Variants in CAVIN4 observed in about 807,000 individuals in gnomAD.
CAVIN4 encodes the protein caveolae-associated protein 4.
A neutral mutation model predicts 18.6 loss-of-function variants in CAVIN4; 10 were observed. That is an observed-to-expected ratio of 0.54 (90% confidence interval 0.33 to 0.91). CAVIN4 has a LOEUF of 0.91. CAVIN4 is among the 40% of genes least tolerant of loss of function. The pLI is 0.02. For synonymous variants in CAVIN4, 173 were observed against 164.8 expected, an observed-to-expected ratio of 1.05 and a Z score of -0.38; for missense variants, 459 against 440.5, an observed-to-expected ratio of 1.04 and a Z score of -0.38.
At chr9:100,582,681 C>T (rs1354301165) in intron 1 of CAVIN4, among the ~76,000 whole-genome samples, 1 of 152,172 alleles carries the variant, frequency 6.6e-6, no homozygotes, top group Non-Finnish European at 1.5e-5. Context: ...TGGGGTTACT[C>T]CTCTCTTTGG....
In CAVIN4 at chr9:100,582,233, G is replaced by C. The variant is rs72735183; in HGVS notation, c.409-3532G>C. Among the ~76,000 whole-genome samples the C allele has an allele frequency of 9.1e-3, 1,385 of 152,196 alleles. 3 individuals are homozygous for C. The highest frequency in any genetic ancestry group is 0.013 in the Non-Finnish European group (897 of 68,024). ...CTCCCTATTCAGTTGGGTTCCTCTA[G>C]CTGCTGTGGTTGGGCTGGCTCTCAA... On this transcript the variant is annotated intron_variant, in intron 1 of 1. Transcript: ENST00000307584.
intron 1 of CAVIN4, 83 bp from the exon 2 acceptor site, chr9:100,585,682 T>A: frequency 9.3e-7 from 1 of 1,073,464 alleles, no homozygotes; most frequent in South Asian, 1.3e-5. Context: ...CCATGGAGAT[T>A]TACAAGGCAT....
At chr9:100,577,993 G>A (rs943936575), upstream of CAVIN4, 1 of 678,902 alleles carries the variant, frequency 1.5e-6, no homozygotes, top group Non-Finnish European at 2.5e-6. Context: ...AGTCACATAT[G>A]GGTATTTGTA....
intron 1 of CAVIN4, among the ~76,000 whole-genome samples, chr9:100,578,786 C>T (rs1352502093): frequency 6.6e-6 from 1 of 152,192 alleles, no homozygotes; most frequent in East Asian, 1.9e-4. Flanking sequence ...AACTGTGGCT[C>T]ATAGCTTAGG....
intron 1 of CAVIN4, among the ~76,000 whole-genome samples, chr9:100,580,086 T>A (rs1587866287): frequency 7.0e-6 from 1 of 143,300 alleles, no homozygotes; most frequent in African/African-American, 2.6e-5. Context: ...CTTAAAAATT[T>A]GGGAAAAAAA....
chr9:100,578,560 G>T lies in CAVIN4; in HGVS notation c.408+9G>T. ...GCGTGGTAATATTCCAGGTAAGCTT[G>T]CACTTGTGTTCAGCTTGCTTGTTCT... On this transcript the variant is annotated intron_variant, in intron 1 of 1. Transcript: ENST00000307584. 6.2e-7 allele frequency: 1 copy of T among 1,612,582 alleles called. No homozygotes were observed. The highest frequency in any genetic ancestry group is 8.5e-7 in the Non-Finnish European group (1 of 1,179,766).
intron 1 of CAVIN4, among the ~76,000 whole-genome samples, chr9:100,581,786 C>T (rs543025309): frequency 4.1e-4 from 63 of 152,186 alleles, no homozygotes; most frequent in African/African-American, 1.4e-3. Context: ...TTGGCTCTTT[C>T]GTTTTCTAAT....
At position 100,586,396 on chromosome 9, in the gene CAVIN4, A is replaced by T; in HGVS notation, c.1040A>T (p.Gln347Leu). 6.2e-7 allele frequency: 1 copy of T among 1,614,112 alleles called. No individual in the cohort carries two copies. The highest frequency in any genetic ancestry group is 8.5e-7 in the Non-Finnish European group (1 of 1,179,984). The change falls in exon 2 of 2, where the codon CAG (glutamine) becomes CTG (leucine). Residue 347 changes from glutamine (Q) to leucine (L), a missense_variant. Coordinates refer to ENST00000307584, the MANE Select transcript of CAVIN4 (RefSeq NM_001018116.2). ...CCTTTAAAAGTTACTTTTAAATCTC[A>T]GGTGAAAGTAGAGGATGATGAATCT... ...PEPLKVTFKS[Q>L]VKVEDDESLL... is the part of the protein sequence containing the mutation.
chr9:100,580,875 A>G lies in CAVIN4; in HGVS notation c.408+2324A>G, dbSNP rs144563150. On this transcript the variant is annotated intron_variant, in intron 1 of 1. Transcript: ENST00000307584. ...ACATAGAACTCTGATTCAAAGATTC[A>G]TTAGATGTTAGAAAGCTGTATACAT... 8.7e-4 allele frequency among the ~76,000 whole-genome samples: 133 copies of G among 152,348 alleles called. 1 individual carries two copies. Among genetic ancestry groups the G allele is most frequent in the South Asian group, 5.0e-3 (24 of 4,828 alleles).
At chr9:100,585,510 G>A (rs1190686135) in intron 1 of CAVIN4, among the ~76,000 whole-genome samples, 1 of 152,154 alleles carries the variant, frequency 6.6e-6, no homozygotes, top group Non-Finnish European at 1.5e-5. Context: ...GAGAAGGAAA[G>A]TGAAGATAAA....
Position 100,578,304 on chromosome 9 carries a change from T to C in CAVIN4, c.161T>C (p.Ile54Thr), listed in dbSNP as rs753524431. The C allele has an allele frequency of 9.9e-6, 16 of 1,613,866 alleles. No homozygotes were observed. Among genetic ancestry groups the C allele is most frequent in the Non-Finnish European group, 5.1e-6 (6 of 1,179,978 alleles). The change falls in exon 1 of 2, where the codon ATA (isoleucine) becomes ACA (threonine). Residue 54 changes from isoleucine (I) to threonine (T), a missense_variant. Physicochemically the swap from Ile to Thr is moderately conservative, Grantham distance 89. Coordinates refer to ENST00000307584, the MANE Select transcript of CAVIN4 (RefSeq NM_001018116.2). Reference protein sequence around the residue: ...VDSVQASQKRIEERHREMENA... With the variant: ...VDSVQASQKRTEERHREMENA... ...AGTGTGCAGGCAAGCCAGAAGAGAA[T>C]AGAAGAGAGACACAGGGAAATGGAA...
Position 100,587,936 on chromosome 9 carries a change from G to A in CAVIN4, c.*1485G>A, listed in dbSNP as rs1839501222. The stretch of plus-strand genomic sequence containing the variant: ...AGAAAGAAATGGTAGTACTGATTCT[G>A]TACTTGAAGGATGTTTAATGTAGCA... On this transcript the variant is annotated 3_prime_UTR_variant, in exon 2 of 2. Coordinates refer to ENST00000307584, the MANE Select transcript of CAVIN4 (RefSeq NM_001018116.2). 1 of 152,168 alleles carries A rather than the reference G, an allele frequency of 6.6e-6. No individual in the cohort carries two copies. The highest frequency in any genetic ancestry group is 1.5e-5 in the Non-Finnish European group (1 of 68,024). The allele number at this position is 152,168 out of a possible 1,614,324, so 9.4% of individuals were successfully genotyped here. A position where few individuals can be genotyped will look rare whatever the true frequency, so the allele number is the denominator to read the frequency against.
At chr9:100,577,200 A>G (rs1329904824), upstream of CAVIN4, 1 of 152,660 alleles carries the variant, frequency 6.6e-6, no homozygotes, top group Non-Finnish European at 1.5e-5. Context: ...TAATGATGGA[A>G]CAGATCAATG....
intron 1 of CAVIN4, among the ~76,000 whole-genome samples, chr9:100,580,771 T>A (rs1427333464): frequency 6.6e-6 from 1 of 152,222 alleles, no homozygotes; most frequent in Non-Finnish European, 1.5e-5. Context: ...ATAATTAAGT[T>A]GTTCAGAGTA....
intron 1 of CAVIN4, among the ~76,000 whole-genome samples, chr9:100,585,384 TGGAGA>T (rs1171689983): frequency 6.6e-6 from 1 of 152,024 alleles, no homozygotes; most frequent in Non-Finnish European, 1.5e-5. Flanking sequence ...GAAGTAGAAA[TGGAGA>T]GGATGGTGGA....
chr9:100,586,062 C>T lies in CAVIN4; in HGVS notation c.706C>T (p.Gln236Ter). Reference protein sequence around the residue: ...VTPERRERLRQSGERLRQSGE... With the variant: ...VTPERRERLR ...CCCGGAGAGGAGAGAGAGGCTAAGGCAGTCAGGAGAGAGGCTGAGACAGTC... is the reference window on the plus strand; with the variant it reads ...CCCGGAGAGGAGAGAGAGGCTAAGGTAGTCAGGAGAGAGGCTGAGACAGTC... The change falls in exon 2 of 2, where the codon CAG becomes TAG. Residue 236 changes from glutamine to a stop codon, truncating the protein, a stop_gained. Transcript: ENST00000307584. LOFTEE classifies it low-confidence loss of function (END_TRUNC). 1.9e-6 allele frequency: 3 copies of T among 1,603,098 alleles called. No homozygotes were observed. Among genetic ancestry groups the T allele is most frequent in the South Asian group, 1.1e-5 (1 of 90,900 alleles).
Position 100,578,558 on chromosome 9 carries a change from T to G in CAVIN4, c.408+7T>G, listed in dbSNP as rs1839395401. On this transcript the variant is annotated splice_region_variant and intron_variant, in intron 1 of 1. Transcript: ENST00000307584. Reference sequence around the variant, plus strand: ...CCGCGTGGTAATATTCCAGGTAAGCTTGCACTTGTGTTCAGCTTGCTTGTT... The same window carrying G: ...CCGCGTGGTAATATTCCAGGTAAGCGTGCACTTGTGTTCAGCTTGCTTGTT... 6.2e-7 allele frequency: 1 copy of G among 1,612,714 alleles called. No individual in the cohort carries two copies.
Position 100,586,188 on chromosome 9 carries a change from A to T in CAVIN4, c.832A>T (p.Lys278Ter). The change falls in exon 2 of 2, where the codon AAG (lysine) becomes TAG (stop). Residue 278 changes from lysine (K) to a stop codon, truncating the protein, a stop_gained. Coordinates refer to ENST00000307584, the MANE Select transcript of CAVIN4 (RefSeq NM_001018116.2). LOFTEE classifies it low-confidence loss of function (END_TRUNC). ...TAAGATGCGCAGCCTCAGGAAAGGT[A>T]AGGACCGAACAGTGGCTGAAGGTGA... ...AFKMRSLRKG[K>*]DRTVAEGEEC... 2 of 1,560,794 alleles carry T rather than the reference A, an allele frequency of 1.3e-6. No individual in the cohort carries two copies. Among genetic ancestry groups the T allele is most frequent in the Non-Finnish European group, 1.7e-6 (2 of 1,156,682 alleles).
chr9:100,586,448 G>A lies in CAVIN4; in HGVS notation c.1092G>A (p.Ser364=), dbSNP rs770238683. Residue 364 remains serine, a synonymous_variant, in exon 2 of 2, where the codon TCG becomes TCA. Transcript: ENST00000307584. ...ESLLLDLKHS[S] is the part of the protein sequence containing the mutation. ...TTTTGTTAGATTTAAAGCACTCATC[G>A]TAAAGAGGAATTAAGTATATCCTAA... The A allele has an allele frequency of 3.9e-5, 63 of 1,611,442 alleles. No homozygotes were observed. Among genetic ancestry groups the A allele is most frequent in the Non-Finnish European group, 5.0e-5 (59 of 1,179,204 alleles).
Sources: allele counts gnomAD v4.1 joint callset (sites outside exome capture counted in the v4.1 genomes callset), GRCh38; gene constraint gnomAD v4.1.1; transcripts MANE v1.5; gene names NCBI Gene and HGNC (gene_info 2026-07-23, HGNC 2026-07-21).